Variants in DDX3X observed in about 807,000 individuals in gnomAD.
The protein encoded by DDX3X is DEAD-box helicase 3 X-linked.
A neutral mutation model predicts 52.7 loss-of-function variants in DDX3X; 4 were observed. The ratio of observed to expected loss-of-function variants is 0.08; its 90% CI spans 0.04 to 0.17. The LOEUF (loss-of-function observed/expected upper bound fraction) is 0.17, where lower values mean the gene tolerates loss of function less well. DDX3X is among the 10% of genes least tolerant of loss of function. The probability of loss-of-function intolerance (pLI) is 1.00; values close to 1 mark genes in which losing one functional copy is unlikely to be tolerated. For synonymous variants in DDX3X, 192 were observed against 178.1 expected (o/e 1.08, Z -0.62); for missense variants, 222 against 548.6 (o/e 0.40, Z 5.95).
intron 2 of DDX3X, chrX:41,338,556 CA>C (rs767568326): frequency 8.9e-6 from 1 of 112,085 alleles, no homozygotes; most frequent in South Asian, 3.7e-4. Flanking sequence ...TTAAAACCTG[CA>C]ATTCCTTGAA....
At position 41,348,494 on chromosome X, in the gene DDX3X, A is replaced by G. The variant is rs1056992853; in HGVS notation, c.*775A>G. On this transcript the variant is annotated 3_prime_UTR_variant, in exon 17 of 17. Transcript: ENST00000644876. ...TCCTCTTTCAACGTTTAGGCAGATC[A>G]TTAATTATGAGCTAGCCAAATGTGG... The G allele has an allele frequency of 1.8e-5, 2 of 112,776 alleles. No individual in the cohort carries two copies. The highest frequency in any genetic ancestry group is 6.5e-5 in the African/African-American group (2 of 30,958). 9.3% of individuals were successfully genotyped at this position (112,776 alleles called of 1,213,427 possible). A position where few individuals can be genotyped will look rare whatever the true frequency, so the allele number is the denominator to read the frequency against.
intron 5 of DDX3X, among the ~76,000 whole-genome samples, chrX:41,358,501 A>G (rs1449032728): frequency 8.9e-6 from 1 of 112,001 alleles, no homozygotes; most frequent in African/African-American, 3.2e-5. Flanking sequence ...CATCATTTTG[A>G]GAGTACTTTG....
chrX:41,342,893 C>G (rs1366963310), intron 6 of DDX3X, 57 bp downstream of exon 6: 2 of 974,495 alleles, frequency 2.1e-6, no homozygotes, highest in African/African-American at 3.8e-5. Context: ...TTTCATGTTA[C>G]ATTAGAATGT....
At chrX:41,358,593 C>A (rs1174728566) in intron 5 of DDX3X, among the ~76,000 whole-genome samples, 1 of 111,116 alleles carries the variant, frequency 9.0e-6, no homozygotes, top group Non-Finnish European at 1.9e-5. Flanking sequence ...CTTAAAATTT[C>A]CATGTCAATT....
Position 41,334,193 on chromosome X carries a change from G to A in DDX3X, c.-60G>A. On this transcript the variant is annotated 5_prime_UTR_variant, in exon 1 of 17. Coordinates refer to ENST00000644876, the MANE Select transcript of DDX3X (RefSeq NM_001356.5). ...GCAGTTCTCCCGTGAGAGGGCCTTC[G>A]CGGTGGAACAAACACTCGCTTAGCA... 9 of 1,137,970 alleles carry A rather than the reference G, an allele frequency of 7.9e-6. No individual in the cohort carries two copies. Among genetic ancestry groups the A allele is most frequent in the Non-Finnish European group, 1.1e-5 (9 of 835,422 alleles). The allele number at this position is 1,137,970 out of a possible 1,213,427, so 93.8% of individuals were successfully genotyped here. A position where few individuals can be genotyped will look rare whatever the true frequency, so the allele number is the denominator to read the frequency against.
At chrX:41,364,398 G>A (rs764369395) in exon 6 of DDX3X, 4 of 295,328 alleles carry the variant, frequency 1.4e-5, no homozygotes, top group Middle Eastern at 8.8e-4. Flanking sequence ...GGTGACACCC[G>A]TGCCCAGCCT....
rs1361127563 is a variant in DDX3X, at chrX:41,348,622, G to T, written c.*903G>T. The T allele has an allele frequency of 8.9e-6, 1 of 112,541 alleles. No homozygotes were observed. The highest frequency in any genetic ancestry group is 1.9e-5 in the Non-Finnish European group (1 of 53,277). 9.3% of individuals were successfully genotyped at this position (112,541 alleles called of 1,213,427 possible). On this transcript the variant is annotated 3_prime_UTR_variant, in exon 17 of 17. Coordinates refer to ENST00000644876, the MANE Select transcript of DDX3X (RefSeq NM_001356.5). Reference sequence around the variant, plus strand: ...TTAAATGCCTGCCATAAATGAAATTGAAATGGTAGAATGGCTGACCACAGC... The same window carrying T: ...TTAAATGCCTGCCATAAATGAAATTTAAATGGTAGAATGGCTGACCACAGC...
Position 41,347,856 on chromosome X carries a change from T to A in DDX3X, c.*137T>A, listed in dbSNP as rs1242684681. On this transcript the variant is annotated 3_prime_UTR_variant, in exon 17 of 17. Transcript: ENST00000644876. ...TGATTCTCCACTGAAATTTTTTTTT[T>A]AAGGGAGCTCAAGGTCACAAGAAGA... 9.0e-6 allele frequency: 4 copies of A among 442,906 alleles called. No homozygotes were observed. The highest frequency in any genetic ancestry group is 1.5e-5 in the Non-Finnish European group (4 of 259,336). The allele number at this position is 442,906 out of a possible 1,213,427, so 36.5% of individuals were successfully genotyped here.
downstream of DDX3X, among the ~76,000 whole-genome samples, chrX:41,352,131 T>A (rs891145490): frequency 3.6e-5 from 4 of 111,441 alleles, no homozygotes; most frequent in Admixed American, 3.9e-4. Flanking sequence ...AATATATACA[T>A]AAAATGAGAT....
intron 3 of DDX3X, chrX:41,340,261 T>C (rs1361097110): frequency 8.9e-6 from 1 of 112,041 alleles, no homozygotes; most frequent in African/African-American, 3.2e-5. Flanking sequence ...TTTATCATCA[T>C]GGATGTTCTC....
At chrX:41,335,267 T>C (rs1486079709) in intron 1 of DDX3X, 1 of 110,972 alleles carries the variant, frequency 9.0e-6, no homozygotes, top group Non-Finnish European at 1.9e-5. Flanking sequence ...TCGCGGGTTG[T>C]GGTAGTGTCT....
chrX:41,363,793 G>GAAAC (rs34342659), intron 5 of DDX3X, among the ~76,000 whole-genome samples: 37,314 of 108,319 alleles, frequency 0.34, 5,046 homozygotes, highest in South Asian at 0.48. Flanking sequence ...CAAAACAAAA[G>GAAAC]AAACAAACAA....
chrX:41,337,725 AGT>A, intron 2 of DDX3X: 1 of 230,017 alleles, frequency 4.3e-6, no homozygotes, highest in East Asian at 8.0e-5. Context: ...GGCTCACCGC[AGT>A]CTCTGCCTCC....
At position 41,362,152 on chromosome X, in the gene DDX3X, G is replaced by A. The variant is rs907426782; in HGVS notation, c.655-2122G>A. 8.9e-5 allele frequency among the ~76,000 whole-genome samples: 9 copies of A among 100,608 alleles called. No individual in the cohort carries two copies. The Admixed American group carries it at 1.0e-3, about 11-fold the overall frequency. The allele number at this position is 100,608 out of a possible 115,157, so 87.4% of individuals were successfully genotyped here. A position where few individuals can be genotyped will look rare whatever the true frequency, so the allele number is the denominator to read the frequency against. ...TGCCCAGACTGGAGTGCAATGGTGC[G>A]ATCTCGGCTCACTGCAACCTCTGCC... On this transcript the variant is annotated intron_variant, in intron 5 of 5. Transcript: ENST00000616050.
downstream of DDX3X, among the ~76,000 whole-genome samples, chrX:41,354,314 A>T (rs183883475): frequency 3.2e-4 from 32 of 101,383 alleles, no homozygotes; most frequent in African/African-American, 1.2e-3. Flanking sequence ...GAACAGTTCC[A>T]TCATCACAAT....
chrX:41,346,695 T>C (rs2063930015), intron 14 of DDX3X, 73 bp downstream of exon 14: 1 of 963,501 alleles, frequency 1.0e-6, no homozygotes, highest in Admixed American at 2.9e-5. Context: ...TGCTAGGATC[T>C]AAAATACATT....
intron 12 of DDX3X, 36 bp downstream of exon 12, chrX:41,345,584 G>C (rs2063912598): frequency 8.8e-7 from 1 of 1,132,764 alleles, no homozygotes; most frequent in African/African-American, 1.8e-5. Context: ...TTAGACATGG[G>C]GGTTTCTCTT....
At chrX:41,342,365 C>A in intron 4 of DDX3X, 130 bp from the exon 5 acceptor site, 1 of 708,823 alleles carries the variant, frequency 1.4e-6, no homozygotes, top group Non-Finnish European at 2.1e-6. Flanking sequence ...TGTCAAGTAA[C>A]TCAGAATTGG....
chrX:41,340,044 G>C (rs1394396147), intron 3 of DDX3X: 1 of 109,821 alleles, frequency 9.1e-6, no homozygotes, highest in Non-Finnish European at 1.9e-5. Context: ...AAGTAGCTGG[G>C]ATCACAGGCA....
Sources: gnomAD v4.1 joint callset for allele counts (sites outside exome capture counted in the v4.1 genomes callset) on GRCh38, gnomAD v4.1.1 for gene constraint, MANE v1.5 for transcripts, NCBI Gene and HGNC (gene_info 2026-07-23, HGNC 2026-07-21) for gene names.